AGMO: variants seen among roughly 807,000 people sequenced by gnomAD.
The protein encoded by AGMO is glyceryl-ether monooxygenase.
Under a neutral mutation model 60.2 loss-of-function variants are expected in AGMO, and 75 were observed. The observed-to-expected ratio is 1.25, with a 90% CI of 1.03 to 1.51. The LOEUF (loss-of-function observed/expected upper bound fraction) is 1.51. AGMO is among the 40% of genes most tolerant of loss of function. AGMO has a pLI of 0.00. For synonymous variants in AGMO, 261 were observed against 177.1 expected (o/e 1.47, Z -3.76); for missense variants, 763 against 525.5 (o/e 1.45, Z -4.42).
intron 2 of AGMO, among the ~76,000 whole-genome samples, chr7:15,555,381 GTTAT>G: frequency 6.9e-6 from 1 of 145,112 alleles, no homozygotes; most frequent in Non-Finnish European, 1.5e-5. Context: ...GGGAAATTTT[GTTAT>G]TTATTTACTT....
intron 3 of AGMO, among the ~76,000 whole-genome samples, chr7:15,507,293 T>C (rs533563949): frequency 6.6e-6 from 1 of 152,034 alleles, no homozygotes; most frequent in Admixed American, 6.6e-5. Flanking sequence ...AGCATGAATA[T>C]CAATACTAAC....
chr7:15,502,029 T>A (rs1269503937), intron 3 of AGMO, among the ~76,000 whole-genome samples: 1 of 152,070 alleles, frequency 6.6e-6, no homozygotes, highest in Non-Finnish European at 1.5e-5. Flanking sequence ...AGTCTTGAAG[T>A]CCAGAATCTA....
chr7:15,387,904 CTTTT>C lies in AGMO; in HGVS notation c.823-368_823-365del, dbSNP rs11437914. 8.0e-3 allele frequency among the ~76,000 whole-genome samples: 1,095 copies of C among 137,640 alleles called. 9 individuals carry two copies. Among genetic ancestry groups the C allele is most frequent in the African/African-American group, 0.027 (986 of 37,100 alleles). 90.3% of individuals were successfully genotyped at this position (137,640 alleles called of 152,430 possible). A position where few individuals can be genotyped will look rare whatever the true frequency, so the allele number is the denominator to read the frequency against. On this transcript the variant is annotated intron_variant, in intron 8 of 12. Transcript: ENST00000342526. ...ACATCCCTCCCTAATGACACATTCT[CTTTT>C]TTTTTTTTTTTTTCCCCAAGACAGA...
chr7:15,394,946 C>T (rs1183409987), intron 5 of AGMO, among the ~76,000 whole-genome samples: 1 of 152,126 alleles, frequency 6.6e-6, no homozygotes, highest in African/African-American at 2.4e-5. Flanking sequence ...TTAGATTCCC[C>T]TAGTTCTGAG....
At chr7:15,356,361 C>T (rs570519286) in intron 12 of AGMO, among the ~76,000 whole-genome samples, 13 of 152,068 alleles carry the variant, frequency 8.5e-5, no homozygotes, top group African/African-American at 2.9e-4. Context: ...GAAATGGATA[C>T]AAGTACAGGC....
intron 12 of AGMO, among the ~76,000 whole-genome samples, chr7:15,258,658 TCA>T (rs1783175053): frequency 6.6e-6 from 1 of 152,156 alleles, no homozygotes; most frequent in Admixed American, 6.6e-5. Flanking sequence ...CCTAGGACCC[TCA>T]CAGAGTCCCC....
chr7:15,383,410 T>C (rs1783771948), intron 10 of AGMO, among the ~76,000 whole-genome samples: 1 of 152,102 alleles, frequency 6.6e-6, no homozygotes, highest in Non-Finnish European at 1.5e-5. Flanking sequence ...ATTTCTGCCA[T>C]ATACAATAAA....
intron 3 of AGMO, among the ~76,000 whole-genome samples, chr7:15,473,661 A>T (rs533760788): frequency 6.6e-6 from 1 of 152,240 alleles, no homozygotes; most frequent in Admixed American, 6.5e-5. Flanking sequence ...CAAGACAAGG[A>T]TGACCTCTGT....
At chr7:15,555,292 TACACACAC>T (rs58173194) in intron 2 of AGMO, among the ~76,000 whole-genome samples, 4,531 of 95,652 alleles carry the variant, frequency 0.047, 356 homozygotes, top group African/African-American at 0.17. Context: ...TATATATATA[TACACACAC>T]ACACACACAC....
chr7:15,443,153 G>A (rs1781606671), intron 3 of AGMO, among the ~76,000 whole-genome samples: 1 of 152,220 alleles, frequency 6.6e-6, no homozygotes, highest in Non-Finnish European at 1.5e-5. Flanking sequence ...AGGAAACCCT[G>A]GGATACAGAA....
At chr7:15,228,931 T>C (rs1003410814) in intron 12 of AGMO, among the ~76,000 whole-genome samples, 1 of 152,084 alleles carries the variant, frequency 6.6e-6, no homozygotes, top group Non-Finnish European at 1.5e-5. Context: ...TGAGTTCGAC[T>C]GCCAGGAAAA....
chr7:15,173,552 T>G, the AGMO span, among the ~76,000 whole-genome samples: 15 of 151,972 alleles, frequency 9.9e-5, no homozygotes, highest in East Asian at 2.5e-3. Context: ...AAACTACAAA[T>G]TAACAGGGCA....
At chr7:15,325,875 C>T (rs1781324045) in intron 12 of AGMO, among the ~76,000 whole-genome samples, 1 of 151,956 alleles carries the variant, frequency 6.6e-6, no homozygotes, top group Admixed American at 6.6e-5. Flanking sequence ...TGGTTGTTCG[C>T]AATTTGTTTC....
At chr7:15,139,641 C>T in the AGMO span, among the ~76,000 whole-genome samples, 132 of 151,322 alleles carry the variant, frequency 8.7e-4, no homozygotes, top group Middle Eastern at 0.01. Context: ...CTCCTGATGG[C>T]CAGGTATTAG....
chr7:15,439,127 A>G (rs1363240416), intron 3 of AGMO, among the ~76,000 whole-genome samples: 5 of 152,192 alleles, frequency 3.3e-5, no homozygotes, highest in East Asian at 1.9e-4. Flanking sequence ...GACCGGGCAC[A>G]GTGGCTCACA....
chr7:15,293,047 G>A (rs563185586), intron 12 of AGMO, among the ~76,000 whole-genome samples: 1 of 152,178 alleles, frequency 6.6e-6, no homozygotes, highest in Non-Finnish European at 1.5e-5. Flanking sequence ...ACAAGTGTGA[G>A]CCACTGCATC....
intron 3 of AGMO, among the ~76,000 whole-genome samples, chr7:15,503,456 C>G (rs1783438746): frequency 2.0e-5 from 3 of 151,860 alleles, no homozygotes; most frequent in African/African-American, 7.3e-5. Context: ...GACATTAATT[C>G]TAAGTCTAAT....
intron 12 of AGMO, among the ~76,000 whole-genome samples, chr7:15,354,147 T>TG (rs1400601845): frequency 3.3e-5 from 5 of 151,688 alleles, no homozygotes; most frequent in Admixed American, 6.6e-5. Context: ...AATGTTTTTT[T>TG]AAAGGAGACC....
rs192071237 is a variant in AGMO at position 15,382,042 on chromosome 7, G to A, written c.1074+3404C>T. On this transcript the variant is annotated intron_variant, in intron 10 of 12. Transcript: ENST00000342526. ...TATTGGAGGGTGGAGGGTGGGAGGA[G>A]GAAGAGGATTTTACTATTGGGTACT... Among the ~76,000 whole-genome samples the A allele has an allele frequency of 5.1e-4, 78 of 152,096 alleles. No individual in the cohort carries two copies. In the East Asian group the frequency reaches 0.014, roughly 28 times the overall value.
Sources: allele counts gnomAD v4.1 joint callset (sites outside exome capture counted in the v4.1 genomes callset), GRCh38; gene constraint gnomAD v4.1.1; transcripts MANE v1.5; gene names NCBI Gene and HGNC (gene_info 2026-07-23, HGNC 2026-07-21).